BCL2L1: variants seen among roughly 807,000 people sequenced by gnomAD.
The protein encoded by BCL2L1 is bcl-2-like protein 1.
A neutral mutation model predicts 18.7 loss-of-function variants in BCL2L1; 1 was observed. The observed-to-expected ratio is 0.05, with a 90% CI of 0.02 to 0.25. The LOEUF is 0.25. BCL2L1 is among the 10% of genes least tolerant of loss of function. The probability of loss-of-function intolerance (pLI) is 1.00; values close to 1 mark genes in which losing one functional copy is unlikely to be tolerated. For missense variants in BCL2L1, 207 were observed against 304.9 expected (o/e 0.68, Z 2.39); for synonymous variants, 103 against 122.7 (o/e 0.84, Z 1.06).
chr20:31,701,184 G>A (rs1264146143), intron 2 of BCL2L1, among the ~76,000 whole-genome samples: 1 of 152,114 alleles, frequency 6.6e-6, no homozygotes, highest in East Asian at 1.9e-4. Context: ...CTCCTGAGTA[G>A]CTGGGATTAC....
intron 2 of BCL2L1, among the ~76,000 whole-genome samples, chr20:31,680,759 T>C (rs1403958427): frequency 6.6e-6 from 1 of 152,074 alleles, no homozygotes; most frequent in Non-Finnish European, 1.5e-5. Context: ...AGAATGAAAA[T>C]TCGTACCTGT....
At chr20:31,691,844 G>A (rs766474120) in intron 2 of BCL2L1, among the ~76,000 whole-genome samples, 10 of 152,120 alleles carry the variant, frequency 6.6e-5, no homozygotes, top group African/African-American at 9.7e-5. Context: ...AATTAAAACC[G>A]CAAGATACCA....
Position 31,681,847 on chromosome 20 carries a change from T to C in BCL2L1, c.565-15761A>G, listed in dbSNP as rs369613346. 3.3e-5 allele frequency among the ~76,000 whole-genome samples: 5 copies of C among 152,210 alleles called. No homozygotes were observed. In the East Asian group the frequency reaches 9.6e-4, roughly 29 times the overall value. On this transcript the variant is annotated intron_variant, in intron 2 of 2. Coordinates refer to ENST00000307677, the MANE Select transcript of BCL2L1 (RefSeq NM_138578.3). Reference sequence around the variant, plus strand: ...AAAGCAACTATTTCTGCTGCTCTCATGGAAGCAAAATCATTTGCTCACCAG... The same window carrying C: ...AAAGCAACTATTTCTGCTGCTCTCACGGAAGCAAAATCATTTGCTCACCAG...
intron 2 of BCL2L1, among the ~76,000 whole-genome samples, chr20:31,681,660 T>C (rs1600794765): frequency 6.6e-6 from 1 of 152,134 alleles, no homozygotes; most frequent in Middle Eastern, 3.4e-3. Flanking sequence ...AATCAATCAA[T>C]AAAAGTAGAG....
rs1555869956 is a variant in BCL2L1, at chr20:31,693,075, A to AAAAAAC, written c.565-26995_565-26990dup. Among the ~76,000 whole-genome samples, 9 of 150,924 alleles carry AAAAAAC rather than the reference A, an allele frequency of 6.0e-5. No individual in the cohort carries two copies. In the South Asian group the frequency reaches 1.5e-3, roughly 24 times the overall value. On this transcript the variant is annotated intron_variant, in intron 2 of 2. Transcript: ENST00000307677. The stretch of plus-strand genomic sequence containing the variant: ...GAGAAAGTGGGACCGTCTCAAAAAA[A>AAAAAAC]AAAAACAAAAACAAAAACAAAAAAA...
chr20:31,701,658 A>G (rs2061279166), intron 2 of BCL2L1, among the ~76,000 whole-genome samples: 1 of 152,250 alleles, frequency 6.6e-6, no homozygotes. Context: ...TATATAAAAA[A>G]TGATGTTCCA....
At chr20:31,701,034 A>G (rs2061270019) in intron 2 of BCL2L1, among the ~76,000 whole-genome samples, 1 of 152,132 alleles carries the variant, frequency 6.6e-6, no homozygotes, top group Non-Finnish European at 1.5e-5. Context: ...GTCTGGGACA[A>G]TCCCAAGGTC....
At chr20:31,672,390 G>A (rs886192479) in intron 2 of BCL2L1, among the ~76,000 whole-genome samples, 1 of 152,030 alleles carries the variant, frequency 6.6e-6, no homozygotes, top group East Asian at 1.9e-4. Flanking sequence ...CTTGAACCCA[G>A]GAGATGGAGG....
chr20:31,696,003 C>G (rs1460719141), intron 2 of BCL2L1, among the ~76,000 whole-genome samples: 1 of 152,096 alleles, frequency 6.6e-6, no homozygotes, highest in East Asian at 1.9e-4. Flanking sequence ...TGGTCTCGAA[C>G]TCCTGGGCTC....
chr20:31,708,731 GAGA>G (rs1175866946), intron 2 of BCL2L1, among the ~76,000 whole-genome samples: 1 of 152,224 alleles, frequency 6.6e-6, no homozygotes. Context: ...GAGCTTTGCA[GAGA>G]AGGAGCTGTG....
intron 2 of BCL2L1, among the ~76,000 whole-genome samples, chr20:31,691,152 C>CAAAAAAA (rs539012918): frequency 4.0e-5 from 1 of 24,838 alleles, no homozygotes; most frequent in African/African-American, 1.2e-4. Context: ...GACTCTGTCT[C>CAAAAAAA]AAAAAAAAAA....
chr20:31,685,047 C>A (rs1313017873), intron 2 of BCL2L1, among the ~76,000 whole-genome samples: 3 of 152,180 alleles, frequency 2.0e-5, no homozygotes, highest in Admixed American at 6.5e-5. Flanking sequence ...ATAATTTTTA[C>A]CTGCTTTCTA....
At chr20:31,714,578 G>A (rs949655607) in intron 2 of BCL2L1, among the ~76,000 whole-genome samples, 3 of 152,056 alleles carry the variant, frequency 2.0e-5, no homozygotes, top group Non-Finnish European at 4.4e-5. Flanking sequence ...CTTTACCATC[G>A]CCCCCTGTGA....
At position 31,664,777 on chromosome 20, in the gene BCL2L1, CG is replaced by C; in HGVS notation, c.*1171del. The C allele has an allele frequency of 4.5e-6, 1 of 222,426 alleles. No homozygotes were observed. The highest frequency in any genetic ancestry group is 9.0e-6 in the Non-Finnish European group (1 of 110,760). 13.8% of individuals were successfully genotyped at this position (222,426 alleles called of 1,614,324 possible). A position where few individuals can be genotyped will look rare whatever the true frequency, so the allele number is the denominator to read the frequency against. On this transcript the variant is annotated 3_prime_UTR_variant, in exon 3 of 3. Transcript: ENST00000307677. ...TCTCAAATATGTACAGCAGAGAGCC[CG>C]GGGTGGCTGGGACCCCTGGGGATGA...
At chr20:31,705,186 G>A (rs2061352460) in intron 2 of BCL2L1, among the ~76,000 whole-genome samples, 1 of 152,158 alleles carries the variant, frequency 6.6e-6, no homozygotes, top group Non-Finnish European at 1.5e-5. Flanking sequence ...GGAATAATAA[G>A]AGAACCTACC....
At chr20:31,687,850 AC>A (rs1021023520) in intron 2 of BCL2L1, among the ~76,000 whole-genome samples, 3 of 152,016 alleles carry the variant, frequency 2.0e-5, no homozygotes, top group African/African-American at 7.2e-5. Flanking sequence ...TCTGTATTAG[AC>A]AATAAGACCA....
intron 2 of BCL2L1, among the ~76,000 whole-genome samples, chr20:31,671,910 ATAC>A (rs920037349): frequency 5.4e-5 from 8 of 147,962 alleles, no homozygotes; most frequent in African/African-American, 2.0e-4. Context: ...TACTATATAT[ATAC>A]TTTACATATA....
intron 2 of BCL2L1, among the ~76,000 whole-genome samples, chr20:31,698,915 G>A (rs1024995474): frequency 6.6e-6 from 1 of 152,128 alleles, no homozygotes; most frequent in Non-Finnish European, 1.5e-5. Flanking sequence ...GGTCTGCTCT[G>A]AAATGTAAGC....
Position 31,697,415 on chromosome 20 carries a change from G to A in BCL2L1, c.564+24240C>T, listed in dbSNP as rs2061191483. 2.6e-5 allele frequency among the ~76,000 whole-genome samples: 4 copies of A among 152,090 alleles called. No individual in the cohort carries two copies. The South Asian group carries it at 8.3e-4, about 32-fold the overall frequency. The stretch of plus-strand genomic sequence containing the variant: ...GACAGGCTTTGGATGCTGGCAGTTT[G>A]CTGTGTAATCTTTAACAGGTGACTT... On this transcript the variant is annotated intron_variant, in intron 2 of 2. Transcript: ENST00000307677.
Sources: gnomAD v4.1 joint callset for allele counts (sites outside exome capture counted in the v4.1 genomes callset) on GRCh38, gnomAD v4.1.1 for gene constraint, MANE v1.5 for transcripts, NCBI Gene and HGNC (gene_info 2026-07-23, HGNC 2026-07-21) for gene names.